The following NAALADL2 variants were observed in gnomAD, a reference collection of about 807,000 sequenced individuals.
The protein encoded by NAALADL2 is N-acetylated alpha-linked acidic dipeptidase like 2.
NAALADL2 carries 76 observed loss-of-function variants against 87.2 expected under a neutral mutation model. That is an observed-to-expected ratio of 0.87 (90% CI 0.72 to 1.05). The LOEUF (loss-of-function observed/expected upper bound fraction) is 1.05. Among genes scored for constraint, NAALADL2 ranks in the 50% least tolerant of loss-of-function variants. The probability of loss-of-function intolerance (pLI) is 0.00; values close to 1 mark genes in which losing one functional copy is unlikely to be tolerated. For missense variants in NAALADL2, 1,089 were observed against 945.8 expected, an observed-to-expected ratio of 1.15 and a Z score of -1.99; for synonymous variants, 354 against 331.0, an observed-to-expected ratio of 1.07 and a Z score of -0.75.
intron 2 of NAALADL2, among the ~76,000 whole-genome samples, chr3:174,594,014 A>C (rs536013784): frequency 6.6e-6 from 1 of 152,190 alleles, no homozygotes. Flanking sequence ...TGACATTTAC[A>C]TGGTTCCAGA....
intron 2 of NAALADL2, among the ~76,000 whole-genome samples, chr3:174,690,935 T>C (rs1728518096): frequency 6.6e-6 from 1 of 152,176 alleles, no homozygotes; most frequent in Admixed American, 6.5e-5. Context: ...TTCATGTTTC[T>C]CATCACTGCC....
intron 3 of NAALADL2, among the ~76,000 whole-genome samples, chr3:174,790,984 A>G (rs1189071893): frequency 6.6e-6 from 1 of 152,138 alleles, no homozygotes; most frequent in Non-Finnish European, 1.5e-5. Context: ...GTTTGCTTTT[A>G]TTAGCTTTGA....
At chr3:174,573,761 C>T (rs1299176380) in intron 2 of NAALADL2, among the ~76,000 whole-genome samples, 1 of 152,126 alleles carries the variant, frequency 6.6e-6, no homozygotes, top group Non-Finnish European at 1.5e-5. Flanking sequence ...CACTCACACT[C>T]ATGAGAATGG....
intron 5 of NAALADL2, among the ~76,000 whole-genome samples, chr3:175,440,621 T>A (rs1719565661): frequency 6.6e-6 from 1 of 152,184 alleles, no homozygotes; most frequent in Non-Finnish European, 1.5e-5. Context: ...AGTATATTCC[T>A]AAGTATTTAA....
intron 1 of NAALADL2, among the ~76,000 whole-genome samples, chr3:174,506,707 G>A (rs1422733565): frequency 6.6e-6 from 1 of 152,082 alleles, no homozygotes; most frequent in Non-Finnish European, 1.5e-5. Flanking sequence ...TCTTCTATCA[G>A]CAGTATTTGA....
chr3:174,557,722 A>G (rs1196472149), intron 2 of NAALADL2, among the ~76,000 whole-genome samples: 1 of 151,848 alleles, frequency 6.6e-6, no homozygotes, highest in Non-Finnish European at 1.5e-5. Context: ...TCTTCTTTAA[A>G]TGTATCTTTG....
intron 4 of NAALADL2, among the ~76,000 whole-genome samples, chr3:175,316,026 C>T (rs537211017): frequency 6.6e-6 from 1 of 152,222 alleles, no homozygotes; most frequent in Non-Finnish European, 1.5e-5. Flanking sequence ...CATGGTTTTT[C>T]ATTTAGAGCA....
chr3:174,704,729 T>G (rs1447390278), intron 2 of NAALADL2, among the ~76,000 whole-genome samples: 1 of 152,050 alleles, frequency 6.6e-6, no homozygotes, highest in Non-Finnish European at 1.5e-5. Flanking sequence ...GAAAATATTA[T>G]CAATTCATAC....
chr3:175,795,489 C>T (rs867781339), intron 13 of NAALADL2, among the ~76,000 whole-genome samples: 50 of 148,976 alleles, frequency 3.4e-4, no homozygotes, highest in African/African-American at 1.2e-3. Context: ...CTGGCTAATA[C>T]AGTGAAACCC....
chr3:174,961,066 A>G (rs1242565435), intron 1 of NAALADL2, among the ~76,000 whole-genome samples: 1 of 147,956 alleles, frequency 6.8e-6, no homozygotes, highest in African/African-American at 2.5e-5. Context: ...TAAATATATC[A>G]TATGTATTAT....
chr3:174,551,907 C>T (rs1712172828), intron 2 of NAALADL2, among the ~76,000 whole-genome samples: 3 of 152,156 alleles, frequency 2.0e-5, no homozygotes, highest in Admixed American at 1.3e-4. Flanking sequence ...TTGGTATCCA[C>T]GGTCCTCGGG....
chr3:175,722,243 C>T (rs113922053), intron 11 of NAALADL2, among the ~76,000 whole-genome samples: 1 of 152,018 alleles, frequency 6.6e-6, no homozygotes, highest in Admixed American at 6.6e-5. Context: ...GTTGCTGCCC[C>T]ATAAATTTAT....
rs368793034 is a variant in NAALADL2, at chr3:175,527,583, A to C, written c.1654-48458A>C. Among the ~76,000 whole-genome samples the C allele has an allele frequency of 2.6e-5, 4 of 152,286 alleles. No individual in the cohort carries two copies. The East Asian group carries it at 7.7e-4, about 29-fold the overall frequency. On this transcript the variant is annotated intron_variant, in intron 9 of 13. Coordinates refer to ENST00000454872, the MANE Select transcript of NAALADL2 (RefSeq NM_207015.3). ...GAGTGAGTTAGTCAAGTGGGTCAAA[A>C]ATCGCTGAGTTAGAAAAGGCATTTT...
intron 2 of NAALADL2, among the ~76,000 whole-genome samples, chr3:175,119,862 G>A (rs758162534): frequency 2.6e-4 from 35 of 132,312 alleles, no homozygotes; most frequent in Non-Finnish European, 4.8e-4. Flanking sequence ...TTATGTAAGT[G>A]TGTATGTGTA....
intron 2 of NAALADL2, among the ~76,000 whole-genome samples, chr3:174,702,661 C>G (rs1438246631): frequency 6.6e-6 from 1 of 152,182 alleles, no homozygotes; most frequent in Non-Finnish European, 1.5e-5. Context: ...AGCCTGCAAG[C>G]ATGTTACTAT....
chr3:175,285,074 A>C (rs1028797497), intron 4 of NAALADL2, among the ~76,000 whole-genome samples: 1 of 152,328 alleles, frequency 6.6e-6, no homozygotes, highest in East Asian at 1.9e-4. Flanking sequence ...ATGCCAAAAC[A>C]GTCTCTTCAT....
At chr3:175,574,257 C>T (rs1186815305) in intron 9 of NAALADL2, among the ~76,000 whole-genome samples, 1 of 152,088 alleles carries the variant, frequency 6.6e-6, no homozygotes, top group Non-Finnish European at 1.5e-5. Context: ...CATCTGCAGA[C>T]TAGGGAGGCA....
chr3:175,283,647 A>G (rs539886620), intron 4 of NAALADL2, among the ~76,000 whole-genome samples: 1 of 152,220 alleles, frequency 6.6e-6, no homozygotes, highest in South Asian at 2.1e-4. Context: ...CACATTCCAT[A>G]CAACAAAGCA....
At chr3:175,052,215 C>T (rs772893204) in intron 1 of NAALADL2, among the ~76,000 whole-genome samples, 4 of 152,210 alleles carry the variant, frequency 2.6e-5, no homozygotes, top group Non-Finnish European at 4.4e-5. Context: ...GGTTTAAGAA[C>T]ATCTTTCAGT....
Sources: gnomAD v4.1 joint callset for allele counts (sites outside exome capture counted in the v4.1 genomes callset) on GRCh38, gnomAD v4.1.1 for gene constraint, MANE v1.5 for transcripts, NCBI Gene and HGNC (gene_info 2026-07-23, HGNC 2026-07-21) for gene names.